The following MYO1H variants were observed in gnomAD, a reference collection of about 807,000 sequenced individuals.
MYO1H encodes unconventional myosin-Ih.
Under a neutral mutation model 149.3 loss-of-function variants are expected in MYO1H, and 118 were observed. The observed-to-expected ratio is 0.79, with a 90% confidence interval of 0.68 to 0.92. The LOEUF is 0.92. Among genes scored for constraint, MYO1H ranks in the 40% least tolerant of loss-of-function variants. The pLI is 0.00. For missense variants in MYO1H, 1,212 were observed against 1,280.7 expected (o/e 0.95, Z 0.82); for synonymous variants, 447 against 465.2 (o/e 0.96, Z 0.50).
At chr12:109,420,960 T>A (rs527351996) in intron 15 of MYO1H, 21 bp from the exon 16 acceptor site, 37 of 1,436,776 alleles carry the variant, frequency 2.6e-5, no homozygotes, top group Middle Eastern at 3.5e-4. Flanking sequence ...ATTCAAAAAA[T>A]TTTTCTTCAA....
chr12:109,447,065 A>C (rs1250061972), intron 31 of MYO1H, 94 bp from the exon 32 acceptor site: 1 of 1,312,148 alleles, frequency 7.6e-7, no homozygotes, highest in African/African-American at 1.5e-5. Flanking sequence ...CTCCACACCC[A>C]CCTTGCTAAT....
chr12:109,399,110 C>T (rs4766470), intron 5 of MYO1H, among the ~76,000 whole-genome samples: 37,562 of 152,144 alleles, frequency 0.25, 5,554 homozygotes, highest in East Asian at 0.39. Flanking sequence ...AAAGGATTTC[C>T]CAGAGGCTGG....
the MYO1H span, among the ~76,000 whole-genome samples, chr12:109,335,945 A>AT: frequency 2.0e-5 from 3 of 152,018 alleles, no homozygotes; most frequent in African/African-American, 7.2e-5. Context: ...TTTCCATTAG[A>AT]TTTTCTAAGC....
chr12:109,410,907 C>T (rs554377251), intron 13 of MYO1H, 139 bp downstream of exon 13: 29 of 623,520 alleles, frequency 4.7e-5, no homozygotes, highest in South Asian at 3.6e-4. Flanking sequence ...TTTGGGAGGC[C>T]GAGGTGGGTG....
chr12:109,393,975 G>A (rs1869788032), intron 3 of MYO1H, among the ~76,000 whole-genome samples: 1 of 152,158 alleles, frequency 6.6e-6, no homozygotes, highest in Non-Finnish European at 1.5e-5. Flanking sequence ...CTGCTCGTTG[G>A]TAGAAACTTC....
intron 1 of MYO1H, among the ~76,000 whole-genome samples, chr12:109,378,576 C>T (rs1869135086): frequency 6.6e-6 from 1 of 152,182 alleles, no homozygotes; most frequent in Non-Finnish European, 1.5e-5. Context: ...GTCTGGGCCT[C>T]CCAAAAGGCT....
rs75011581 is a variant in MYO1H, at chr12:109,432,309, T to C, written c.1950-588T>C. On this transcript the variant is annotated intron_variant, in intron 19 of 31. Transcript: ENST00000310903. ...TTGAGCCCCTGCGCCTGGCCTTTTT[T>C]TAAGTAGAGACGGGGTCTGCCCAGG... 2.8e-3 allele frequency among the ~76,000 whole-genome samples: 422 copies of C among 152,092 alleles called. 18 individuals carry two copies. In the East Asian group the frequency reaches 0.053, roughly 19 times the overall value.
At chr12:109,423,425 G>A (rs551511405) in intron 16 of MYO1H, among the ~76,000 whole-genome samples, 2 of 152,202 alleles carry the variant, frequency 1.3e-5, no homozygotes, top group Admixed American at 1.3e-4. Context: ...GTCTCCCAAT[G>A]TGCTGGGATT....
chr12:109,435,133 C>G lies in MYO1H; in HGVS notation c.2140+20C>G, dbSNP rs1341196558. The G allele has an allele frequency of 2.6e-6, 4 of 1,510,832 alleles. No individual in the cohort carries two copies. Among genetic ancestry groups the G allele is most frequent in the Middle Eastern group, 1.7e-4 (1 of 5,840 alleles). The allele number at this position is 1,510,832 out of a possible 1,614,324, so 93.6% of individuals were successfully genotyped here. On this transcript the variant is annotated intron_variant, in intron 21 of 31. Transcript: ENST00000310903. ...AACTAGGTATGATTTCTTTTTCTGT[C>G]CCGATTTCAATAGAATATGAAATGA...
At chr12:109,397,697 C>T (rs756482869) in intron 4 of MYO1H, 35 bp from the exon 5 acceptor site, 12 of 1,571,154 alleles carry the variant, frequency 7.6e-6, no homozygotes, top group Non-Finnish European at 1.0e-5. Flanking sequence ...GCATGGTGAG[C>T]TTAAATGACA....
the MYO1H span, among the ~76,000 whole-genome samples, chr12:109,313,387 A>G: frequency 6.6e-6 from 1 of 152,194 alleles, no homozygotes; most frequent in African/African-American, 2.4e-5. Flanking sequence ...CCGCCATTTA[A>G]TGTCCAACAA....
intron 10 of MYO1H, 54 bp downstream of exon 10, chr12:109,407,967 A>AGTC: frequency 6.6e-7 from 1 of 1,522,166 alleles, no homozygotes; most frequent in Non-Finnish European, 8.8e-7. Flanking sequence ...GATGTTTTAT[A>AGTC]ATCATCGTTT....
intron 20 of MYO1H, 126 bp from the exon 21 acceptor site, chr12:109,434,911 A>G (rs1442911528): frequency 8.1e-6 from 5 of 618,632 alleles, no homozygotes; most frequent in Non-Finnish European, 1.4e-5. Flanking sequence ...ATCTGCAAAC[A>G]CTATTTCCAA....
chr12:109,400,046 A>G (rs1351871239), intron 5 of MYO1H, among the ~76,000 whole-genome samples: 1 of 152,218 alleles, frequency 6.6e-6, no homozygotes, highest in African/African-American at 2.4e-5. Context: ...GAATGAAATT[A>G]CACAGTATGT....
At chr12:109,377,983 G>A (rs1257433852) in intron 1 of MYO1H, among the ~76,000 whole-genome samples, 2 of 152,170 alleles carry the variant, frequency 1.3e-5, no homozygotes, top group Admixed American at 6.5e-5. Context: ...TTATTTCTAA[G>A]TGATACAGAA....
chr12:109,348,566 C>T (rs1380174469), intron 1 of MYO1H, among the ~76,000 whole-genome samples: 1 of 152,122 alleles, frequency 6.6e-6, no homozygotes. Context: ...CAACTTGTCC[C>T]AGGTAATGAT....
chr12:109,404,431 G>A (rs192673326), intron 7 of MYO1H, among the ~76,000 whole-genome samples: 51 of 152,346 alleles, frequency 3.3e-4, no homozygotes, highest in African/African-American at 9.6e-4. Context: ...GCAATGAGCC[G>A]AGATTGTGCC....
the MYO1H span, among the ~76,000 whole-genome samples, chr12:109,322,555 T>G: frequency 6.6e-6 from 1 of 152,278 alleles, no homozygotes; most frequent in East Asian, 1.9e-4. Context: ...GCATGGTGGC[T>G]CACGCCTGTA....
chr12:109,446,229 G>T (rs1872474045), intron 31 of MYO1H: 1 of 985,320 alleles, frequency 1.0e-6, no homozygotes, highest in African/African-American at 1.7e-5. Context: ...ACACAAGTAC[G>T]CTGCCTTCCC....
Sources: allele counts gnomAD v4.1 joint callset (sites outside exome capture counted in the v4.1 genomes callset), GRCh38; gene constraint gnomAD v4.1.1; transcripts MANE v1.5; gene names NCBI Gene and HGNC (gene_info 2026-07-23, HGNC 2026-07-21).